KIF15: variants seen among roughly 807,000 people sequenced by gnomAD.
KIF15 encodes the protein kinesin-like protein KIF15.
A neutral mutation model predicts 190.6 loss-of-function variants in KIF15; 140 were observed. The observed-to-expected ratio is 0.73, with a 90% CI of 0.64 to 0.84. KIF15 has a LOEUF of 0.84. Among genes scored for constraint, KIF15 ranks in the 40% least tolerant of loss-of-function variants. The pLI, the probability that KIF15 is intolerant of heterozygous loss-of-function variation, is 0.00. For missense variants in KIF15, 1,372 were observed against 1,584.4 expected (o/e 0.87, Z 2.28); for synonymous variants, 528 against 551.3 (o/e 0.96, Z 0.59).
At chr3:44,856,076 G>A (rs144121176), downstream of KIF15, among the ~76,000 whole-genome samples, 2,553 of 151,758 alleles carry the variant, frequency 0.017, 60 homozygotes, top group African/African-American at 0.053. Flanking sequence ...AATAAAGGCC[G>A]GTCCGTTATC....
At chr3:44,766,242 C>T (rs773849254) in intron 1 of KIF15, among the ~76,000 whole-genome samples, 5 of 152,120 alleles carry the variant, frequency 3.3e-5, no homozygotes, top group African/African-American at 4.8e-5. Flanking sequence ...GGCAAAATCT[C>T]AGAGCCTGGG....
chr3:44,844,455 C>T (rs1438547480), intron 30 of KIF15, among the ~76,000 whole-genome samples: 1 of 152,142 alleles, frequency 6.6e-6, no homozygotes, highest in Non-Finnish European at 1.5e-5. Flanking sequence ...ATGTCCAATT[C>T]TATTAAAGAA....
At chr3:44,808,510 C>G (rs893542656) in intron 16 of KIF15, among the ~76,000 whole-genome samples, 2 of 151,814 alleles carry the variant, frequency 1.3e-5, no homozygotes, top group African/African-American at 4.8e-5. Flanking sequence ...TAGTTTAATC[C>G]TTTTTCTTAG....
Position 44,780,853 on chromosome 3 carries a change from T to G in KIF15, c.324-32T>G, listed in dbSNP as rs1318325476. 6.8e-6 allele frequency: 10 copies of G among 1,470,322 alleles called. No individual in the cohort carries two copies. In the Admixed American group the frequency reaches 1.9e-4, roughly 28 times the overall value. The allele number at this position is 1,470,322 out of a possible 1,614,324, so 91.1% of individuals were successfully genotyped here. ...GGAGGAGTAGTCTTTTAATTTTATG[T>G]GTAAAAATAATATGTAAAACATTTT... is the stretch of plus-strand genomic sequence containing the variant. On this transcript the variant is annotated intron_variant, in intron 4 of 34. Coordinates refer to ENST00000326047, the MANE Select transcript of KIF15 (RefSeq NM_020242.3).
In KIF15 at chr3:44,827,645, A is replaced by G. The variant is rs1470569804; in HGVS notation, c.2856+117A>G. 4 of 569,994 alleles carry G rather than the reference A, an allele frequency of 7.0e-6. No individual in the cohort carries two copies. In the African/African-American group the frequency reaches 7.9e-5, roughly 11 times the overall value. The allele number at this position is 569,994 out of a possible 1,614,324, so 35.3% of individuals were successfully genotyped here. ...AGATGTTGGAAATTAGTAAGAAAGAAATGGAATTTGGGGCTGGTTCTATTA... is the reference window on the plus strand; with the variant it reads ...AGATGTTGGAAATTAGTAAGAAAGAGATGGAATTTGGGGCTGGTTCTATTA... On this transcript the variant is annotated intron_variant, in intron 23 of 34. Coordinates refer to ENST00000326047, the MANE Select transcript of KIF15 (RefSeq NM_020242.3).
chr3:44,828,613 A>C lies in KIF15; in HGVS notation c.2943+313A>C, dbSNP rs115280761. On this transcript the variant is annotated intron_variant, in intron 24 of 34. Transcript: ENST00000326047. ...TGTTGACTCTAAGTCCCATGATACAAATTTTCAAATTCCTGGTGTTGACTT... is the reference window on the plus strand; with the variant it reads ...TGTTGACTCTAAGTCCCATGATACACATTTTCAAATTCCTGGTGTTGACTT... Among the ~76,000 whole-genome samples, 659 of 152,316 alleles carry C rather than the reference A, an allele frequency of 4.3e-3. 3 individuals are homozygous for C. Among genetic ancestry groups the C allele is most frequent in the African/African-American group, 0.014 (587 of 41,568 alleles).
chr3:44,830,438 G>C (rs1252785594), intron 25 of KIF15, among the ~76,000 whole-genome samples: 1 of 151,126 alleles, frequency 6.6e-6, no homozygotes, highest in African/African-American at 2.4e-5. Context: ...TGAGGAAAAA[G>C]TAACACAGTA....
rs1302836929 is a variant in KIF15 at position 44,805,923 on chromosome 3, A to G, written c.1908A>G (p.Ala636=). Residue 636 remains alanine, a synonymous_variant, in exon 16 of 35, where the codon GCA becomes GCG. Transcript: ENST00000326047. ...TTAATCTTGAAAACCTTTTGGAAGC[A>G]ACAAAAGCCTGCAAGCGGCAAGAAG... ...ANLNLENLLE[A]TKACKRQEVS... 4 of 1,614,084 alleles carry G rather than the reference A, an allele frequency of 2.5e-6. No individual in the cohort carries two copies. Among genetic ancestry groups the G allele is most frequent in the Non-Finnish European group, 3.4e-6 (4 of 1,180,014 alleles).
intron 10 of KIF15, 61 bp downstream of exon 10, chr3:44,798,017 C>A: frequency 1.4e-6 from 2 of 1,436,606 alleles, no homozygotes; most frequent in South Asian, 1.4e-5. Flanking sequence ...TTACAGTATG[C>A]CATTTTTGTG....
intron 6 of KIF15, among the ~76,000 whole-genome samples, chr3:44,858,699 G>A (rs1699211500): frequency 2.0e-5 from 3 of 152,218 alleles, no homozygotes; most frequent in Admixed American, 2.0e-4. Flanking sequence ...GTGCATTAAA[G>A]AACGTTGTCC....
intron 4 of KIF15, among the ~76,000 whole-genome samples, chr3:44,779,590 T>G (rs1305023836): frequency 6.6e-6 from 1 of 152,086 alleles, no homozygotes; most frequent in African/African-American, 2.4e-5. Context: ...ATCCCAGCAC[T>G]TTGGGGGGCC....
intron 15 of KIF15, 68 bp downstream of exon 15, chr3:44,805,236 T>C: frequency 2.1e-6 from 3 of 1,439,302 alleles, no homozygotes; most frequent in Non-Finnish European, 2.8e-6. Flanking sequence ...AGTGTTAATA[T>C]CGATAATTCA....
intron 17 of KIF15, 79 bp from the exon 18 acceptor site, chr3:44,812,103 C>T: frequency 9.2e-7 from 1 of 1,083,310 alleles, no homozygotes; most frequent in Non-Finnish European, 1.4e-6. Context: ...TTTGTTGTCT[C>T]TTTAATGCAG....
chr3:44,789,489 CAT>C (rs1706568435), intron 7 of KIF15, among the ~76,000 whole-genome samples: 1 of 151,216 alleles, frequency 6.6e-6, no homozygotes, highest in Non-Finnish European at 1.5e-5. Context: ...TTAAGTGTGT[CAT>C]GTGTGCTTGA....
chr3:44,801,635 T>C (rs1575611963), intron 12 of KIF15, 109 bp downstream of exon 12: 3 of 944,792 alleles, frequency 3.2e-6, no homozygotes, highest in Non-Finnish European at 4.9e-6. Context: ...AATAAAGTAA[T>C]GGAAGGCTAT....
At chr3:44,864,072 C>A in intron 6 of KIF15, 1 of 1,190,540 alleles carries the variant, frequency 8.4e-7, no homozygotes, top group Non-Finnish European at 1.2e-6. Context: ...CTGAGGCCCT[C>A]TGAGCTGTAG....
At chr3:44,814,061 T>A (rs924696317) in intron 19 of KIF15, among the ~76,000 whole-genome samples, 1 of 152,240 alleles carries the variant, frequency 6.6e-6, no homozygotes, top group African/African-American at 2.4e-5. Flanking sequence ...TTCACTTTAT[T>A]TTTCCCTTCA....
Position 44,775,183 on chromosome 3 carries a change from T to C in KIF15, c.63-71T>C, listed in dbSNP as rs550196932. On this transcript the variant is annotated intron_variant, in intron 2 of 34. Transcript: ENST00000326047. The stretch of plus-strand genomic sequence containing the variant: ...CATTATAGAAACATTATAGGCAATA[T>C]GAGACTTGGATCCTTTTTCAGTTTT... 62 of 1,225,262 alleles carry C rather than the reference T, an allele frequency of 5.1e-5. No homozygotes were observed. The East Asian group carries it at 1.3e-3, about 25-fold the overall frequency. The allele number at this position is 1,225,262 out of a possible 1,614,324, so 75.9% of individuals were successfully genotyped here.
chr3:44,868,038 AC>A (rs1224902401), intron 6 of KIF15, among the ~76,000 whole-genome samples: 6 of 152,164 alleles, frequency 3.9e-5, no homozygotes. Context: ...AAAGTTTTCG[AC>A]CATTACCGCT....
Sources: allele counts gnomAD v4.1 joint callset (sites outside exome capture counted in the v4.1 genomes callset), GRCh38; gene constraint gnomAD v4.1.1; transcripts MANE v1.5; gene names NCBI Gene and HGNC (gene_info 2026-07-23, HGNC 2026-07-21).